The following ITFG1 variants were observed in gnomAD, a reference collection of about 807,000 sequenced individuals.
The protein encoded by ITFG1 is T-cell immunomodulatory protein.
Under a neutral mutation model 81.8 loss-of-function variants are expected in ITFG1, and 34 were observed. That is an observed-to-expected ratio of 0.42 (90% CI 0.32 to 0.55). ITFG1 has a LOEUF of 0.55. ITFG1 is among the 20% of genes least tolerant of loss of function. The pLI is 0.17. For synonymous variants in ITFG1, 285 were observed against 270.6 expected, an observed-to-expected ratio of 1.05 and a Z score of -0.52; for missense variants, 672 against 755.4, an observed-to-expected ratio of 0.89 and a Z score of 1.29.
At chr16:47,397,097 C>T (rs554241863) in intron 6 of ITFG1, among the ~76,000 whole-genome samples, 2 of 152,096 alleles carry the variant, frequency 1.3e-5, no homozygotes, top group African/African-American at 2.4e-5. Context: ...GCAGATATTT[C>T]GGGGAGAAAT....
intron 6 of ITFG1, among the ~76,000 whole-genome samples, chr16:47,419,318 A>C (rs1968912211): frequency 6.6e-6 from 1 of 151,824 alleles, no homozygotes; most frequent in African/African-American, 2.4e-5. Flanking sequence ...ACTCAGGCTA[A>C]AGTGCAGTGG....
rs915123914 is a variant in ITFG1, at chr16:47,366,013, TC to T, written c.721-145del. ...ACAAAAATTATTCCAATCTCCTGTT[TC>T]ACTTTTATTTTGAAGCAAAGGAAAC... is the stretch of plus-strand genomic sequence containing the variant. On this transcript the variant is annotated intron_variant, in intron 7 of 17. Coordinates refer to ENST00000320640, the MANE Select transcript of ITFG1 (RefSeq NM_030790.5). 7.5e-6 allele frequency: 4 copies of T among 534,312 alleles called. 1 individual carries two copies. Among genetic ancestry groups the T allele is most frequent in the Non-Finnish European group, 1.3e-5 (4 of 297,240 alleles). The allele number at this position is 534,312 out of a possible 1,614,324, so 33.1% of individuals were successfully genotyped here.
At chr16:47,256,281 A>T (rs956499885) in intron 12 of ITFG1, among the ~76,000 whole-genome samples, 10 of 152,104 alleles carry the variant, frequency 6.6e-5, no homozygotes, top group Non-Finnish European at 1.3e-4. Context: ...AAATTGTGTG[A>T]CTTCTGTTTG....
intron 14 of ITFG1, chr16:47,218,114 T>C (rs1226089784): frequency 6.6e-6 from 1 of 152,208 alleles, no homozygotes; most frequent in Non-Finnish European, 1.5e-5. Context: ...TTACATAACA[T>C]GGCAATGTCC....
At chr16:47,214,962 G>T (rs758324198) in intron 14 of ITFG1, among the ~76,000 whole-genome samples, 1 of 130,004 alleles carries the variant, frequency 7.7e-6, no homozygotes, top group East Asian at 2.2e-4. Flanking sequence ...ACACACACAC[G>T]CACGCACAAC....
chr16:47,208,861 A>G (rs1965531848), intron 14 of ITFG1, among the ~76,000 whole-genome samples: 1 of 152,196 alleles, frequency 6.6e-6, no homozygotes, highest in East Asian at 1.9e-4. Context: ...CAGATGGTCA[A>G]CCCATCTTCC....
intron 10 of ITFG1, chr16:47,263,102 G>GT (rs1359667574): frequency 1.6e-5 from 4 of 244,866 alleles, no homozygotes; most frequent in Non-Finnish European, 3.4e-5. Context: ...ATGCATCCCT[G>GT]TAACAGCTGC....
chr16:47,409,696 C>T (rs11649541), intron 6 of ITFG1, among the ~76,000 whole-genome samples: 1 of 151,002 alleles, frequency 6.6e-6, no homozygotes, highest in African/African-American at 2.4e-5. Flanking sequence ...GGATTACAGG[C>T]GTGAGCCACT....
intron 8 of ITFG1, among the ~76,000 whole-genome samples, chr16:47,344,538 A>G (rs1253182160): frequency 6.6e-6 from 1 of 152,246 alleles, no homozygotes. Context: ...TTTATTTAGC[A>G]AGAGTTTTTT....
intron 14 of ITFG1, among the ~76,000 whole-genome samples, chr16:47,185,263 C>G (rs1965195305): frequency 6.6e-6 from 1 of 152,192 alleles, no homozygotes; most frequent in Admixed American, 6.5e-5. Flanking sequence ...GAACTCAGCT[C>G]TGCACCAAGC....
At chr16:47,324,971 C>A (rs1370175803) in intron 8 of ITFG1, among the ~76,000 whole-genome samples, 5 of 152,156 alleles carry the variant, frequency 3.3e-5, no homozygotes, top group Non-Finnish European at 7.4e-5. Context: ...CTCAGCTCTG[C>A]ACCAAGCGGA....
At chr16:47,188,747 G>A (rs1965257254) in intron 14 of ITFG1, among the ~76,000 whole-genome samples, 1 of 151,162 alleles carries the variant, frequency 6.6e-6, no homozygotes, top group Non-Finnish European at 1.5e-5. Context: ...TTGTGCACAT[G>A]TACCCTAAAA....
intron 8 of ITFG1, among the ~76,000 whole-genome samples, chr16:47,348,660 C>T (rs1216430011): frequency 6.6e-6 from 1 of 152,150 alleles, no homozygotes; most frequent in Non-Finnish European, 1.5e-5. Context: ...AGGAGAACTT[C>T]CCCAACCTAG....
chr16:47,272,805 T>C (rs1966357428), intron 10 of ITFG1, among the ~76,000 whole-genome samples: 1 of 151,780 alleles, frequency 6.6e-6, no homozygotes, highest in Non-Finnish European at 1.5e-5. Context: ...CTGCAGAACA[T>C]TTCAACCTAT....
At chr16:47,421,786 G>A (rs922871992) in intron 6 of ITFG1, among the ~76,000 whole-genome samples, 26 of 152,152 alleles carry the variant, frequency 1.7e-4, no homozygotes, top group Non-Finnish European at 2.6e-4. Context: ...CCATCAACTC[G>A]TCATTTACAT....
At chr16:47,460,776 T>C in intron 1 of ITFG1, 62 bp downstream of exon 1, 1 of 1,566,440 alleles carries the variant, frequency 6.4e-7, no homozygotes, top group Non-Finnish European at 8.7e-7. Context: ...GGCAATGGGT[T>C]TGGGGAACAC....
At chr16:47,350,948 A>C (rs1323947805) in intron 8 of ITFG1, among the ~76,000 whole-genome samples, 1 of 152,228 alleles carries the variant, frequency 6.6e-6, no homozygotes, top group Non-Finnish European at 1.5e-5. Flanking sequence ...ATATAAACAG[A>C]ACCAAAGACA....
chr16:47,386,744 CTG>C (rs1442651720), intron 6 of ITFG1, among the ~76,000 whole-genome samples: 1 of 152,212 alleles, frequency 6.6e-6, no homozygotes, highest in African/African-American at 2.4e-5. Context: ...ACTCTCACCT[CTG>C]GAGCCATGCT....
intron 13 of ITFG1, among the ~76,000 whole-genome samples, chr16:47,226,462 GC>G (rs1263100216): frequency 6.6e-6 from 1 of 152,040 alleles, no homozygotes; most frequent in African/African-American, 2.4e-5. Flanking sequence ...ACGTTGGTGT[GC>G]TGCACCCATT....
Sources: gnomAD v4.1 joint callset for allele counts (sites outside exome capture counted in the v4.1 genomes callset) on GRCh38, gnomAD v4.1.1 for gene constraint, MANE v1.5 for transcripts, NCBI Gene and HGNC (gene_info 2026-07-23, HGNC 2026-07-21) for gene names.